The following ATN1 variants were observed in gnomAD, a reference collection of about 807,000 sequenced individuals.
ATN1 encodes atrophin 1.
In ATN1, 19 loss-of-function variants were observed where a neutral mutation model predicts 85.8. The observed-to-expected ratio is 0.22, with a 90% CI of 0.15 to 0.32. The LOEUF is 0.32. ATN1 is among the 10% of genes least tolerant of loss of function. The probability of loss-of-function intolerance (pLI) is 1.00; values close to 1 mark genes in which losing one functional copy is unlikely to be tolerated. For missense variants in ATN1, 1,453 were observed against 1,564.5 expected (o/e 0.93, Z 1.20); for synonymous variants, 674 against 657.0 (o/e 1.03, Z -0.39).
chr12:6,928,098 CGGGGCATTCCGGGCGGCCA>C lies in ATN1; in HGVS notation c.-444_-426del, dbSNP rs1300989807. Among the ~76,000 whole-genome samples, 11 of 112,054 alleles carry C rather than the reference CGGGGCATTCCGGGCGGCCA, an allele frequency of 9.8e-5. No homozygotes were observed. Among genetic ancestry groups the C allele is most frequent in the African/African-American group, 1.3e-4 (4 of 30,450 alleles). 73.5% of individuals were successfully genotyped at this position (112,054 alleles called of 152,430 possible). A position where few individuals can be genotyped will look rare whatever the true frequency, so the allele number is the denominator to read the frequency against. On this transcript the variant is annotated 5_prime_UTR_variant, in exon 1 of 10. Transcript: ENST00000396684. ...CGCGGCGGGGGCGGGCGGCGCGGCC[CGGGGCATTCCGGGCGGCCA>C]GGGGGAGGCGGCGAGCCCGGGGAGG...
In ATN1 at chr12:6,936,670, C is replaced by A. The variant is rs1555143721; in HGVS notation, c.1403C>A (p.Ala468Asp). ...HPGPFPPSTGAQSTAHPPVST... is the reference protein window; with the variant it reads ...HPGPFPPSTGDQSTAHPPVST... ...GGCCCCTTCCCTCCCTCTACTGGGG[C>A]CCAGTCCACCGCCCACCCACCAGTC... is the stretch of plus-strand genomic sequence containing the variant. The change falls in exon 5 of 10, where the codon GCC (alanine) becomes GAC (aspartate). Residue 468 changes from alanine (A) to aspartate (D), a missense_variant. Physicochemically the swap from Ala to Asp is moderately radical, Grantham distance 126. Around this residue, in one of 6 missense-constraint regions of ATN1, gnomAD observed 990 missense variants for 914.8 expected, o/e 1.08. Transcript: ENST00000396684. The A allele has an allele frequency of 1.2e-6, 2 of 1,613,774 alleles. No homozygotes were observed. The highest frequency in any genetic ancestry group is 1.7e-5 in the Admixed American group (1 of 59,990).
At chr12:6,925,136 G>GTA (rs1218268477), upstream of ATN1, among the ~76,000 whole-genome samples, 3 of 147,650 alleles carry the variant, frequency 2.0e-5, no homozygotes, top group African/African-American at 8.0e-5. Flanking sequence ...GTGTGTGTGT[G>GTA]TGTGTGAGAG....
rs189038212 is a variant in ATN1 at position 6,937,854 on chromosome 12, A to G, written c.2304A>G (p.Lys768=). The G allele has an allele frequency of 1.1e-3, 1,771 of 1,572,502 alleles. 31 individuals carry two copies. The East Asian group carries it at 0.033, about 29-fold the overall frequency. Residue 768 remains lysine, a synonymous_variant, in exon 6 of 10, where the codon AAA becomes AAG. Coordinates refer to ENST00000396684, the MANE Select transcript of ATN1 (RefSeq NM_001940.4). The surrounding 1 kb of genome is among the most constrained non-coding windows in gnomAD (Gnocchi z 6.0). ...CTTCCACGCCCGGCAGGTTCAACAA[A>G]CACCTGGATCGCGGCTTCAACTCGT... The part of the protein sequence containing the change: ...SHASQSARFN[K]HLDRGFNSCA...
intron 7 of ATN1, 100 bp downstream of exon 7, chr12:6,939,277 CT>C: frequency 9.8e-6 from 14 of 1,431,884 alleles, no homozygotes; most frequent in Non-Finnish European, 1.3e-5. Flanking sequence ...CTCCCCTGGC[CT>C]GGCATGAACC....
intron 1 of ATN1, among the ~76,000 whole-genome samples, chr12:6,932,856 ATTC>A (rs782407016): frequency 3.9e-5 from 6 of 152,230 alleles, no homozygotes; most frequent in Admixed American, 6.5e-5. Context: ...AGAATGGGAC[ATTC>A]TTCTTCTACC....
rs1945500028 is a variant in ATN1, at chr12:6,934,122, A to T, written c.28-54A>T. On this transcript the variant is annotated intron_variant, in intron 2 of 9. Transcript: ENST00000396684. This position sits in a 1 kb window ranked among gnomAD's most constrained non-coding sequence, Gnocchi z 4.5. Reference sequence around the variant, plus strand: ...AGAAGAACAAATAATGTGCACCATAAAGTTAGGTGCAATGTAAAGAACAGT... The same window carrying T: ...AGAAGAACAAATAATGTGCACCATATAGTTAGGTGCAATGTAAAGAACAGT... The T allele has an allele frequency of 1.2e-6, 2 of 1,613,180 alleles. No individual in the cohort carries two copies. The highest frequency in any genetic ancestry group is 2.7e-5 in the African/African-American group (2 of 74,886).
rs1555143496 is a variant in ATN1 at position 6,935,873 on chromosome 12, A to C, written c.606A>C (p.Thr202=). Residue 202 remains threonine, a synonymous_variant, in exon 5 of 10, where the codon ACA becomes ACC. Coordinates refer to ENST00000396684, the MANE Select transcript of ATN1 (RefSeq NM_001940.4). The surrounding 1 kb of genome is among the most constrained non-coding windows in gnomAD (Gnocchi z 5.3). ...TGYHAPMEPP[T]SRMFQAPPGA... is the part of the protein sequence containing the mutation. ...ATCATGCTCCCATGGAGCCCCCCAC[A>C]TCTCGAATGTTCCAGGCTCCTCCTG... 8.7e-6 allele frequency: 14 copies of C among 1,612,576 alleles called. No individual in the cohort carries two copies. The highest frequency in any genetic ancestry group is 1.2e-5 in the Non-Finnish European group (14 of 1,179,540).
rs781817874 is a variant in ATN1, at chr12:6,936,757, AGC to A, written c.1491_1492del (p.Gln498AlafsTer25). The A allele has an allele frequency of 2.1e-5, 34 of 1,602,958 alleles. No individual in the cohort carries two copies. The highest frequency in any genetic ancestry group is 2.7e-5 in the Non-Finnish European group (32 of 1,172,560). ...CAGCAGCAGCAGCAGCAGCAGCAGC[AGC>A]AGCAGCAGCAGCAGCATCACGGAAA... On this transcript the variant is annotated frameshift_variant, in exon 5 of 10. Coordinates refer to ENST00000396684, the MANE Select transcript of ATN1 (RefSeq NM_001940.4). LOFTEE classifies it high-confidence loss of function.
chr12:6,941,282 ACC>A lies in ATN1; in HGVS notation c.3359-91_3359-90del. On this transcript the variant is annotated intron_variant, in intron 8 of 9. Coordinates refer to ENST00000396684, the MANE Select transcript of ATN1 (RefSeq NM_001940.4). The surrounding 1 kb of genome is among the most constrained non-coding windows in gnomAD (Gnocchi z 5.9). ...GTGTTACCTCACTTTTTAGTTCATT[ACC>A]TTTGTATGTAAAGGAGCTGGCTATC... 1 of 1,452,402 alleles carries A rather than the reference ACC, an allele frequency of 6.9e-7. No individual in the cohort carries two copies. Among genetic ancestry groups the A allele is most frequent in the South Asian group, 1.4e-5 (1 of 73,690 alleles). The allele number at this position is 1,452,402 out of a possible 1,614,324, so 90.0% of individuals were successfully genotyped here.
At chr12:6,938,371 A>G (rs2138218447) in intron 6 of ATN1, 110 bp from the exon 7 acceptor site, 5 of 1,418,720 alleles carry the variant, frequency 3.5e-6, no homozygotes, top group South Asian at 2.9e-5. Flanking sequence ...CAGAGTTTCA[A>G]TGAGTTGAGG....
In ATN1 at chr12:6,934,893, T is replaced by G. The variant is rs3794310; in HGVS notation, c.279+315T>G. On this transcript the variant is annotated intron_variant, in intron 4 of 9. Transcript: ENST00000396684. The surrounding 1 kb of genome is among the most constrained non-coding windows in gnomAD (Gnocchi z 4.5). The stretch of plus-strand genomic sequence containing the variant: ...GTGGTCTTTCTTTTTTATTGTTTTT[T>G]TTTGTTTGTTTGTTTTTGAGACAGT... Among the ~76,000 whole-genome samples, 50,567 of 151,928 alleles carry G rather than the reference T, an allele frequency of 0.33. 8,703 individuals are homozygous for G. The highest frequency in any genetic ancestry group is 0.45 in the Middle Eastern group (131 of 294).
chr12:6,937,238 C>T lies in ATN1; in HGVS notation c.1971C>T (p.Tyr657=). 1 of 1,611,966 alleles carries T rather than the reference C, an allele frequency of 6.2e-7. No individual in the cohort carries two copies. Among genetic ancestry groups the T allele is most frequent in the Non-Finnish European group, 8.5e-7 (1 of 1,179,680 alleles). The change falls in exon 5 of 10, where the codon TAC becomes TAT. Residue 657 remains tyrosine (Y), a synonymous_variant. Transcript: ENST00000396684. This position sits in a 1 kb window ranked among gnomAD's most constrained non-coding sequence, Gnocchi z 6.0. ...ACAAGACAGCCACCCCACCCGGATA[C>T]AAACCCGGGTCGCCTCCCTCCTTCC... The part of the protein sequence containing the change: ...GAYKTATPPG[Y]KPGSPPSFRT...
chr12:6,936,077 T>C lies in ATN1; in HGVS notation c.810T>C (p.Ala270=). The change falls in exon 5 of 10, where the codon GCT becomes GCC. Residue 270 remains alanine (A), a synonymous_variant. Transcript: ENST00000396684. ...ISVSSSGASG[A]PPTKPPTTPV... ...TATCAAGCTCTGGGGCTAGTGGTGCTCCCCCAACAAAGCCGCCTACCACTC... is the reference window on the plus strand; with the variant it reads ...TATCAAGCTCTGGGGCTAGTGGTGCCCCCCCAACAAAGCCGCCTACCACTC... The C allele has an allele frequency of 1.3e-6, 2 of 1,532,612 alleles. No individual in the cohort carries two copies. Among genetic ancestry groups the C allele is most frequent in the Non-Finnish European group, 1.8e-6 (2 of 1,140,912 alleles). The allele number at this position is 1,532,612 out of a possible 1,614,324, so 94.9% of individuals were successfully genotyped here. A position where few individuals can be genotyped will look rare whatever the true frequency, so the allele number is the denominator to read the frequency against.
Position 6,935,734 on chromosome 12 carries a change from C to T in ATN1, c.467C>T (p.Ala156Val), listed in dbSNP as rs1945521873. Reference protein sequence around the residue: ...DSSSGLSQGPARPYHPPPLFP... With the variant: ...DSSSGLSQGPVRPYHPPPLFP... ...TCTTCTGGCCTGTCCCAGGGCCCAGCCCGCCCCTACCACCCACCTCCACTC... is the reference window on the plus strand; with the variant it reads ...TCTTCTGGCCTGTCCCAGGGCCCAGTCCGCCCCTACCACCCACCTCCACTC... The change falls in exon 5 of 10, where the codon GCC (alanine) becomes GTC (valine). Residue 156 changes from alanine (A) to valine (V), a missense_variant. This residue lies in a region of ATN1 where 990 missense variants were observed against 914.8 expected (regional missense o/e 1.08). Coordinates refer to ENST00000396684, the MANE Select transcript of ATN1 (RefSeq NM_001940.4). This position sits in a 1 kb window ranked among gnomAD's most constrained non-coding sequence, Gnocchi z 5.3. 1 of 1,613,732 alleles carries T rather than the reference C, an allele frequency of 6.2e-7. No homozygotes were observed. The highest frequency in any genetic ancestry group is 1.3e-5 in the African/African-American group (1 of 74,856).
chr12:6,927,215 T>C (rs1945407279), upstream of ATN1, among the ~76,000 whole-genome samples: 1 of 150,240 alleles, frequency 6.7e-6, no homozygotes, highest in South Asian at 2.1e-4. Context: ...GCCCCATCTT[T>C]CTATATATGT....
chr12:6,929,734 G>C (rs951207777), intron 1 of ATN1, among the ~76,000 whole-genome samples: 2 of 152,198 alleles, frequency 1.3e-5, no homozygotes, highest in Non-Finnish European at 2.9e-5. Context: ...GTTTCTCCAA[G>C]TCTCTCCACC....
chr12:6,934,146 G>A lies in ATN1; in HGVS notation c.28-30G>A, dbSNP rs781924908. On this transcript the variant is annotated intron_variant, in intron 2 of 9. Transcript: ENST00000396684. This position sits in a 1 kb window ranked among gnomAD's most constrained non-coding sequence, Gnocchi z 4.5. ...AAAGTTAGGTGCAATGTAAAGAACA[G>A]TGTTACCTACCTCCTTCCTCCTCCT... 1.2e-6 allele frequency: 2 copies of A among 1,613,750 alleles called. No homozygotes were observed. Among genetic ancestry groups the A allele is most frequent in the African/African-American group, 2.7e-5 (2 of 74,904 alleles).
At position 6,941,581 on chromosome 12, in the gene ATN1, G is replaced by C. The variant is rs1053278268; in HGVS notation, c.3539+27G>C. 3 of 1,611,354 alleles carry C rather than the reference G, an allele frequency of 1.9e-6. No individual in the cohort carries two copies. Among genetic ancestry groups the C allele is most frequent in the East Asian group, 4.5e-5 (2 of 44,870 alleles). On this transcript the variant is annotated intron_variant, in intron 9 of 9. Coordinates refer to ENST00000396684, the MANE Select transcript of ATN1 (RefSeq NM_001940.4). This position sits in a 1 kb window ranked among gnomAD's most constrained non-coding sequence, Gnocchi z 5.9. The stretch of plus-strand genomic sequence containing the variant: ...TACCCTAGGGTGCCCCAGCCCAGGG[G>C]ACATGGGCTCAGCGAGCCTGGGAGG...
In ATN1 at chr12:6,934,082, G is replaced by A; in HGVS notation, c.27+54G>A. 2 of 1,612,276 alleles carry A rather than the reference G, an allele frequency of 1.2e-6. No individual in the cohort carries two copies. Among genetic ancestry groups the A allele is most frequent in the South Asian group, 1.1e-5 (1 of 90,828 alleles). On this transcript the variant is annotated intron_variant, in intron 2 of 9. Transcript: ENST00000396684. This position sits in a 1 kb window ranked among gnomAD's most constrained non-coding sequence, Gnocchi z 4.5. ...GAGGGGCGGGGCAGGCAAGCTAGGA[G>A]GAAGGGTCTAGAGAAGAAGAACAAA...
Sources: allele counts gnomAD v4.1 joint callset (sites outside exome capture counted in the v4.1 genomes callset), GRCh38; gene constraint gnomAD v4.1.1; regional missense constraint gnomAD v4.1.1; non-coding constraint Gnocchi (gnomAD v3.1); transcripts MANE v1.5; gene names NCBI Gene and HGNC (gene_info 2026-07-23, HGNC 2026-07-21).